The following RYR2 variants were observed in gnomAD, a reference collection of about 807,000 sequenced individuals.
The protein encoded by RYR2 is cardiac muscle ryanodine receptor-calcium release channel.
RYR2 carries 227 observed loss-of-function variants against 601.1 expected under a neutral mutation model. The ratio of observed to expected loss-of-function variants is 0.38; its 90% confidence interval spans 0.34 to 0.42. The LOEUF (loss-of-function observed/expected upper bound fraction) is 0.42, where lower values mean the gene tolerates loss of function less well. Ranked by LOEUF, RYR2 falls within the 10% of genes least tolerant of loss-of-function variation. RYR2 has a pLI of 1.00. For missense variants in RYR2, 4,646 were observed against 6,156.5 expected, an observed-to-expected ratio of 0.75 and a Z score of 8.21; for synonymous variants, 2,223 against 2,175.1, an observed-to-expected ratio of 1.02 and a Z score of -0.61.
chr1:237,722,946 A>G (rs1689871502), intron 73 of RYR2, among the ~76,000 whole-genome samples, 182 bp from the exon 74 acceptor site: 2 of 152,188 alleles, frequency 1.3e-5, no homozygotes, highest in Non-Finnish European at 1.5e-5. Flanking sequence ...TGTAATCACC[A>G]TGCTGTACAT....
At chr1:237,307,863 T>C (rs60874299) in intron 2 of RYR2, among the ~76,000 whole-genome samples, 16,582 of 151,840 alleles carry the variant, frequency 0.11, 1,973 homozygotes, top group African/African-American at 0.29. Flanking sequence ...AATAACAACA[T>C]TGTGCAATAA....
At position 237,107,317 on chromosome 1, in the gene RYR2, C is replaced by A. The variant is rs557766073; in HGVS notation, c.48+64748C>A. Among the ~76,000 whole-genome samples the A allele has an allele frequency of 1.8e-4, 27 of 151,188 alleles. No homozygotes were observed. In the East Asian group the frequency reaches 2.6e-3, roughly 14 times the overall value. On this transcript the variant is annotated intron_variant, in intron 1 of 104. Coordinates refer to ENST00000366574, the MANE Select transcript of RYR2 (RefSeq NM_001035.3). ...CGGGCGGATCACGAGGTCAGGAGATCGAGACCATCCTGGCTAACACGGTGA... is the reference window on the plus strand; with the variant it reads ...CGGGCGGATCACGAGGTCAGGAGATAGAGACCATCCTGGCTAACACGGTGA...
intron 25 of RYR2, among the ~76,000 whole-genome samples, chr1:237,536,285 G>GA (rs1668597624): frequency 6.6e-6 from 1 of 152,088 alleles, no homozygotes; most frequent in Non-Finnish European, 1.5e-5. Flanking sequence ...CTTGCTAAAG[G>GA]AAAAAAATCT....
chr1:237,443,265 C>G (rs1708069769), intron 13 of RYR2, among the ~76,000 whole-genome samples: 1 of 152,060 alleles, frequency 6.6e-6, no homozygotes, highest in Non-Finnish European at 1.5e-5. Context: ...GTTCTTTCAT[C>G]TGGTCTGCTG....
chr1:237,173,181 T>G (rs2485599), intron 1 of RYR2, among the ~76,000 whole-genome samples: 66,768 of 151,922 alleles, frequency 0.44, 16,353 homozygotes, highest in Non-Finnish European at 0.55. Context: ...CTCTTTTTTT[T>G]TTTTTATCAG....
At chr1:237,177,982 A>C (rs902310636) in intron 1 of RYR2, among the ~76,000 whole-genome samples, 1 of 152,198 alleles carries the variant, frequency 6.6e-6, no homozygotes, top group Non-Finnish European at 1.5e-5. Flanking sequence ...GAGTTTTCCA[A>C]TGCATGCTCT....
intron 1 of RYR2, among the ~76,000 whole-genome samples, chr1:237,252,412 C>T (rs573228094): frequency 2.9e-4 from 44 of 152,230 alleles, no homozygotes; most frequent in African/African-American, 8.4e-4. Context: ...AGGTCATTTA[C>T]GACCATCCTG....
In RYR2 at chr1:237,792,285, A is replaced by G. The variant is rs1658470209; in HGVS notation, c.13744A>G (p.Ile4582Val). Reference protein sequence around the residue: ...LRILAILHTVISFFCIIGYYC... With the variant: ...LRILAILHTVVSFFCIIGYYC... ...TATCTTAGCTATTCTGCACACGGTC[A>G]TTTCTTTCTTCTGCATCATTGGATA... is the stretch of plus-strand genomic sequence containing the variant. The change falls in exon 94 of 105, where the codon ATT becomes GTT. Residue 4582 changes from isoleucine (I) to valine (V), a missense_variant. By Grantham distance (29) the Ile-to-Val change is conservative (BLOSUM62 3). Transcript: ENST00000366574. The G allele has an allele frequency of 6.2e-7, 1 of 1,611,784 alleles. No individual in the cohort carries two copies. The highest frequency in any genetic ancestry group is 8.5e-7 in the Non-Finnish European group (1 of 1,178,730).
At chr1:237,250,380 A>G (rs993004388) in intron 1 of RYR2, among the ~76,000 whole-genome samples, 1 of 152,228 alleles carries the variant, frequency 6.6e-6, no homozygotes, top group Non-Finnish European at 1.5e-5. Flanking sequence ...ACATGCTAGT[A>G]GTGCATTTTA....
intron 1 of RYR2, among the ~76,000 whole-genome samples, chr1:237,233,370 C>T (rs935615459): frequency 6.6e-6 from 1 of 152,118 alleles, no homozygotes; most frequent in African/African-American, 2.4e-5. Context: ...TGCACAAGCT[C>T]AGCTACATCA....
intron 1 of RYR2, among the ~76,000 whole-genome samples, chr1:237,066,534 G>C (rs1183733155): frequency 1.1e-4 from 17 of 151,820 alleles, no homozygotes; most frequent in African/African-American, 3.4e-4. Context: ...AATTTTAGCT[G>C]TTCTGCTAGG....
chr1:237,050,271 AAGAT>A lies in RYR2; in HGVS notation c.48+7707_48+7710del, dbSNP rs201403946. On this transcript the variant is annotated intron_variant, in intron 1 of 104. Coordinates refer to ENST00000366574, the MANE Select transcript of RYR2 (RefSeq NM_001035.3). ...AAACCTGAAATCTAGCTGTGGAGCC[AAGAT>A]AGATGCAGAAGAAAGCGAGTGGAAC... 9.8e-3 allele frequency among the ~76,000 whole-genome samples: 1,488 copies of A among 152,332 alleles called. 11 individuals are homozygous for A. Among genetic ancestry groups the A allele is most frequent in the Admixed American group, 0.025 (390 of 15,296 alleles).
intron 1 of RYR2, among the ~76,000 whole-genome samples, chr1:237,168,808 A>G (rs904131067): frequency 1.3e-5 from 2 of 152,172 alleles, no homozygotes; most frequent in Non-Finnish European, 2.9e-5. Context: ...TTGATGGTCA[A>G]ATGTAGTTTT....
At chr1:237,607,502 C>T (rs1272391553) in intron 35 of RYR2, among the ~76,000 whole-genome samples, 1 of 151,948 alleles carries the variant, frequency 6.6e-6, no homozygotes, top group African/African-American at 2.4e-5. Context: ...TGCAGCACAC[C>T]AACATGGCAC....
intron 1 of RYR2, among the ~76,000 whole-genome samples, chr1:237,082,470 C>A (rs751046155): frequency 6.9e-6 from 1 of 144,064 alleles, no homozygotes; most frequent in Non-Finnish European, 1.5e-5. Flanking sequence ...TGATAACTGC[C>A]TGTTATCTTG....
intron 29 of RYR2, among the ~76,000 whole-genome samples, chr1:237,569,662 A>C (rs1038199869): frequency 1.3e-5 from 2 of 152,304 alleles, no homozygotes; most frequent in Non-Finnish European, 2.9e-5. Flanking sequence ...CTTTCTGTTT[A>C]TTCATCTCAT....
At chr1:237,132,260 C>T (rs961783328) in intron 1 of RYR2, among the ~76,000 whole-genome samples, 1 of 152,150 alleles carries the variant, frequency 6.6e-6, no homozygotes, top group Non-Finnish European at 1.5e-5. Flanking sequence ...AGCCTTCTGC[C>T]AACAACTAGG....
intron 2 of RYR2, among the ~76,000 whole-genome samples, chr1:237,307,725 T>C (rs1694017304): frequency 6.6e-6 from 1 of 152,208 alleles, no homozygotes; most frequent in South Asian, 2.1e-4. Context: ...TCCTGAAAAT[T>C]ATGGCTCTCA....
chr1:237,239,563 C>G (rs1685934761), intron 1 of RYR2, among the ~76,000 whole-genome samples: 1 of 152,156 alleles, frequency 6.6e-6, no homozygotes, highest in Non-Finnish European at 1.5e-5. Flanking sequence ...TCCTTCTTTA[C>G]TGCACACGTG....
Sources: gnomAD v4.1 joint callset for allele counts (sites outside exome capture counted in the v4.1 genomes callset) on GRCh38, gnomAD v4.1.1 for gene constraint, MANE v1.5 for transcripts, NCBI Gene and HGNC (gene_info 2026-07-23, HGNC 2026-07-21) for gene names.